Variants in DPH6 observed in about 807,000 individuals in gnomAD.
DPH6 encodes the protein diphthamine biosynthesis 6, also known as diphthine--ammonia ligase.
Under a neutral mutation model 38.2 loss-of-function variants are expected in DPH6, and 33 were observed. The observed-to-expected ratio is 0.86, with a 90% CI of 0.65 to 1.15. The LOEUF is 1.15. DPH6 is among the 50% of genes most tolerant of loss of function. The probability of loss-of-function intolerance (pLI) is 0.00; values close to 1 mark genes in which losing one functional copy is unlikely to be tolerated. For missense variants in DPH6, 325 were observed against 320.0 expected (o/e 1.02, Z -0.12); for synonymous variants, 108 against 103.0 (o/e 1.05, Z -0.30).
chr15:35,263,463 T>A (rs1419354618), intron 3 of DPH6, among the ~76,000 whole-genome samples: 4 of 147,110 alleles, frequency 2.7e-5, no homozygotes, highest in African/African-American at 1.0e-4. Context: ...TAGAGTGCAG[T>A]GGCATGATCA....
At chr15:35,474,482 C>T (rs2054240919) in intron 3 of DPH6, among the ~76,000 whole-genome samples, 1 of 152,106 alleles carries the variant, frequency 6.6e-6, no homozygotes, top group Admixed American at 6.6e-5. Flanking sequence ...AAGGCAGACT[C>T]TAGTTTCCAG....
chr15:35,376,599 CCACT>C (rs1352396549), intron 7 of DPH6, among the ~76,000 whole-genome samples: 3 of 152,102 alleles, frequency 2.0e-5, no homozygotes, highest in Non-Finnish European at 2.9e-5. Flanking sequence ...CATTCACTCA[CCACT>C]CACTCACTGA....
intron 6 of DPH6, among the ~76,000 whole-genome samples, chr15:35,392,068 G>A (rs562591415): frequency 6.6e-6 from 1 of 152,242 alleles, no homozygotes; most frequent in East Asian, 1.9e-4. Flanking sequence ...ATTAATGTTA[G>A]GTTAAGCTTT....
intron 3 of DPH6, among the ~76,000 whole-genome samples, chr15:35,245,490 G>A (rs1051729610): frequency 9.2e-5 from 14 of 151,988 alleles, no homozygotes; most frequent in Admixed American, 2.0e-4. Flanking sequence ...CACCTGCCTC[G>A]GCCTCCCAAA....
chr15:35,462,127 A>T (rs2054074061), intron 3 of DPH6, among the ~76,000 whole-genome samples: 1 of 152,242 alleles, frequency 6.6e-6, no homozygotes, highest in African/African-American at 2.4e-5. Flanking sequence ...TTCACCTTCC[A>T]AAAATATCCC....
chr15:35,545,697 G>A (rs1308498574), intron 1 of DPH6, among the ~76,000 whole-genome samples: 7 of 152,212 alleles, frequency 4.6e-5, no homozygotes, highest in African/African-American at 1.2e-4. Context: ...GAGGGGGAAA[G>A]GGCGAGGGTT....
the DPH6 span, among the ~76,000 whole-genome samples, chr15:35,146,039 G>T: frequency 6.6e-6 from 1 of 150,984 alleles, no homozygotes; most frequent in Non-Finnish European, 1.5e-5. Flanking sequence ...GGTATATAAA[G>T]GTTAGATAAA....
At chr15:35,349,861 A>G (rs978966268) in intron 3 of DPH6, among the ~76,000 whole-genome samples, 1 of 152,200 alleles carries the variant, frequency 6.6e-6, no homozygotes, top group Non-Finnish European at 1.5e-5. Context: ...TAAGCATGCT[A>G]GTGTTTTGCT....
chr15:35,284,399 C>T (rs2051924972), intron 3 of DPH6, among the ~76,000 whole-genome samples: 1 of 151,878 alleles, frequency 6.6e-6, no homozygotes, highest in Non-Finnish European at 1.5e-5. Context: ...AAATTTTTAT[C>T]CTGAAATAGT....
At chr15:35,465,379 CACA>C (rs2054114608) in intron 3 of DPH6, among the ~76,000 whole-genome samples, 1 of 152,176 alleles carries the variant, frequency 6.6e-6, no homozygotes, top group African/African-American at 2.4e-5. Flanking sequence ...CTTCTGGTAA[CACA>C]ACATTATTAA....
chr15:35,154,665 T>C, the DPH6 span, among the ~76,000 whole-genome samples: 2 of 152,204 alleles, frequency 1.3e-5, no homozygotes, highest in African/African-American at 4.8e-5. Flanking sequence ...AATAGTGCTG[T>C]AGTTTTACAT....
rs755379455 is a variant in DPH6, at chr15:35,298,749, C to G, written n.200+74772G>C. On this transcript the variant is annotated intron_variant and non_coding_transcript_variant, in intron 3 of 3. Coordinates refer to the DPH6 transcript ENST00000560386. ...ATGATCTTGTGCGCCACCGTGCCCC[C>G]CAAGTTAGCGAGGAAGGAGTTGCGC... The G allele has an allele frequency of 3.4e-5, 52 of 1,531,550 alleles. No homozygotes were observed. In the African/African-American group the frequency reaches 5.3e-4, roughly 16 times the overall value. 94.9% of individuals were successfully genotyped at this position (1,531,550 alleles called of 1,614,324 possible).
chr15:35,353,879 C>T (rs1379921331), intron 3 of DPH6, among the ~76,000 whole-genome samples: 2 of 152,130 alleles, frequency 1.3e-5, no homozygotes, highest in Non-Finnish European at 2.9e-5. Flanking sequence ...GCAGTATAGC[C>T]ATTTTCACGA....
At chr15:35,523,198 T>C (rs2054947219) in intron 3 of DPH6, among the ~76,000 whole-genome samples, 1 of 151,406 alleles carries the variant, frequency 6.6e-6, no homozygotes, top group Non-Finnish European at 1.5e-5. Flanking sequence ...CTTATTTCTG[T>C]CAAAGTGTAG....
chr15:35,261,608 A>T (rs1368780116), intron 3 of DPH6, among the ~76,000 whole-genome samples: 1 of 152,116 alleles, frequency 6.6e-6, no homozygotes, highest in East Asian at 1.9e-4. Flanking sequence ...AGAGGCGGGA[A>T]GATCGCTTGA....
intron 3 of DPH6, among the ~76,000 whole-genome samples, chr15:35,495,910 T>C (rs1430317153): frequency 6.6e-6 from 1 of 152,172 alleles, no homozygotes; most frequent in Non-Finnish European, 1.5e-5. Flanking sequence ...CACACATATA[T>C]AGTAACTTGA....
At chr15:35,170,325 A>G in the DPH6 span, among the ~76,000 whole-genome samples, 2 of 152,214 alleles carry the variant, frequency 1.3e-5, no homozygotes, top group African/African-American at 4.8e-5. Context: ...CTAGCTACAC[A>G]GCGAAATATG....
At chr15:35,538,221 AT>A in intron 3 of DPH6, 52 bp downstream of exon 3, 1 of 1,339,416 alleles carries the variant, frequency 7.5e-7, no homozygotes, top group Admixed American at 2.6e-5. Flanking sequence ...GGCAAATGTA[AT>A]TTGTTAAATT....
At chr15:35,397,954 C>T (rs1172485597) in intron 6 of DPH6, among the ~76,000 whole-genome samples, 1 of 150,390 alleles carries the variant, frequency 6.6e-6, no homozygotes, top group African/African-American at 2.4e-5. Context: ...CAATCAACTC[C>T]TAGAAAAAAG....
Sources: allele counts gnomAD v4.1 joint callset (sites outside exome capture counted in the v4.1 genomes callset), GRCh38; gene constraint gnomAD v4.1.1; transcripts MANE v1.5; gene names NCBI Gene and HGNC (gene_info 2026-07-23, HGNC 2026-07-21).